UBASH3B: variants seen among roughly 807,000 people sequenced by gnomAD.
UBASH3B encodes ubiquitin-associated and SH3 domain-containing protein B.
Under a neutral mutation model 83.4 loss-of-function variants are expected in UBASH3B, and 37 were observed. That is an observed-to-expected ratio of 0.44 (90% CI 0.34 to 0.58). The LOEUF (loss-of-function observed/expected upper bound fraction) is 0.58, where lower values mean the gene tolerates loss of function less well. Among genes scored for constraint, UBASH3B ranks in the 20% least tolerant of loss-of-function variants. The pLI is 0.01. For missense variants in UBASH3B, 657 were observed against 827.2 expected, an observed-to-expected ratio of 0.79 and a Z score of 2.52; for synonymous variants, 304 against 318.3, an observed-to-expected ratio of 0.96 and a Z score of 0.48.
intron 1 of UBASH3B, among the ~76,000 whole-genome samples, chr11:122,722,997 G>A (rs1422550843): frequency 5.3e-5 from 8 of 152,224 alleles, no homozygotes; most frequent in African/African-American, 1.4e-4. Context: ...GAGCCACCGC[G>A]CCCGGCCCAG....
At chr11:122,775,556 G>A (rs1860716966) in intron 1 of UBASH3B, 1 of 152,160 alleles carries the variant, frequency 6.6e-6, no homozygotes, top group Non-Finnish European at 1.5e-5. Flanking sequence ...TTAGCCCTAT[G>A]TCTTAATAAT....
chr11:122,702,566 C>T (rs753821362), intron 1 of UBASH3B, among the ~76,000 whole-genome samples: 6 of 151,596 alleles, frequency 4.0e-5, no homozygotes, highest in Admixed American at 6.6e-5. Context: ...CTCTTGTCGC[C>T]GAGGCTGGAG....
At chr11:122,686,998 G>T (rs1863817844) in intron 1 of UBASH3B, among the ~76,000 whole-genome samples, 1 of 151,948 alleles carries the variant, frequency 6.6e-6, no homozygotes, top group Non-Finnish European at 1.5e-5. Flanking sequence ...CTCCTGAGTA[G>T]CTGGAATTAC....
rs888939496 is a variant in UBASH3B, at chr11:122,687,371, C to G, written c.161+31161C>G. Among the ~76,000 whole-genome samples the G allele has an allele frequency of 2.6e-5, 4 of 152,258 alleles. No homozygotes were observed. In the East Asian group the frequency reaches 7.7e-4, roughly 29 times the overall value. On this transcript the variant is annotated intron_variant, in intron 1 of 13. Coordinates refer to ENST00000284273, the MANE Select transcript of UBASH3B (RefSeq NM_032873.5). The stretch of plus-strand genomic sequence containing the variant: ...CCTGATTCTTATTTAGCAGTGATGA[C>G]TGATGAAATGACTTGCCCTTTGATT...
chr11:122,711,596 C>A (rs1409245366), intron 1 of UBASH3B, among the ~76,000 whole-genome samples: 4 of 152,184 alleles, frequency 2.6e-5, no homozygotes, highest in Admixed American at 1.3e-4. Flanking sequence ...CCTGAGCATG[C>A]CCCCGGGCAC....
At chr11:122,683,239 C>CA (rs59693425) in intron 1 of UBASH3B, among the ~76,000 whole-genome samples, 34,888 of 132,704 alleles carry the variant, frequency 0.26, 4,327 homozygotes, top group Non-Finnish European at 0.29. Context: ...GACCTTGTTT[C>CA]AAAAAAAAAA....
chr11:122,697,011 G>A (rs916624490), intron 1 of UBASH3B, among the ~76,000 whole-genome samples: 2 of 152,136 alleles, frequency 1.3e-5, no homozygotes, highest in Admixed American at 1.3e-4. Context: ...GGTCACTGGC[G>A]GTGTTTGTTC....
intron 6 of UBASH3B, among the ~76,000 whole-genome samples, chr11:122,792,460 A>G (rs977414193): frequency 3.3e-5 from 5 of 152,050 alleles, no homozygotes; most frequent in Admixed American, 3.3e-4. Flanking sequence ...CCAGGACTAC[A>G]GGTGTGTGCC....
intron 1 of UBASH3B, among the ~76,000 whole-genome samples, chr11:122,681,742 AC>A (rs1217240213): frequency 1.3e-5 from 2 of 151,984 alleles, no homozygotes; most frequent in Non-Finnish European, 2.9e-5. Flanking sequence ...CCACATGCTT[AC>A]CCCTCTGGCT....
intron 1 of UBASH3B, among the ~76,000 whole-genome samples, chr11:122,752,981 C>G (rs1861222875): frequency 6.6e-6 from 1 of 152,098 alleles, no homozygotes; most frequent in African/African-American, 2.4e-5. Flanking sequence ...GGAACCCGTG[C>G]TAGAACCTGG....
intron 10 of UBASH3B, among the ~76,000 whole-genome samples, 157 bp from the exon 11 acceptor site, chr11:122,801,031 T>C (rs1861250034): frequency 6.6e-6 from 1 of 152,146 alleles, no homozygotes; most frequent in African/African-American, 2.4e-5. Flanking sequence ...TGCACAAAAA[T>C]TAAAAACCTT....
chr11:122,791,022 T>C (rs1861044102), intron 6 of UBASH3B, among the ~76,000 whole-genome samples: 2 of 151,866 alleles, frequency 1.3e-5, no homozygotes, highest in South Asian at 4.2e-4. Flanking sequence ...CCAAACCCAC[T>C]CTTCCCTAAA....
intron 1 of UBASH3B, among the ~76,000 whole-genome samples, chr11:122,682,077 A>C (rs1387817400): frequency 6.6e-6 from 1 of 152,210 alleles, no homozygotes; most frequent in Non-Finnish European, 1.5e-5. Context: ...CTGCCCATGT[A>C]CAGCCACTTG....
intron 1 of UBASH3B, among the ~76,000 whole-genome samples, chr11:122,663,239 A>G (rs890799966): frequency 1.3e-5 from 2 of 152,214 alleles, no homozygotes; most frequent in Admixed American, 1.3e-4. Flanking sequence ...GGTCTCCCAA[A>G]GTGCTGGGAT....
rs76081238 is a variant in UBASH3B, at chr11:122,804,619, A to G, written c.1596-1791A>G. Among the ~76,000 whole-genome samples, 244 of 152,290 alleles carry G rather than the reference A, an allele frequency of 1.6e-3. 6 individuals carry two copies. In the East Asian group the frequency reaches 0.046, roughly 29 times the overall value. On this transcript the variant is annotated intron_variant, in intron 11 of 13. Transcript: ENST00000284273. ...ATCCATAAACAGCATTTATGAAAGCATTGCTGGGAGGATTAGACCGAAGAA... is the reference window on the plus strand; with the variant it reads ...ATCCATAAACAGCATTTATGAAAGCGTTGCTGGGAGGATTAGACCGAAGAA...
intron 1 of UBASH3B, among the ~76,000 whole-genome samples, chr11:122,678,288 G>A (rs763766781): frequency 1.3e-5 from 2 of 152,200 alleles, no homozygotes; most frequent in Non-Finnish European, 2.9e-5. Flanking sequence ...TTGAGGCCAG[G>A]TGGGACCCTA....
chr11:122,665,553 T>A (rs1017385295), intron 1 of UBASH3B, among the ~76,000 whole-genome samples: 2 of 152,232 alleles, frequency 1.3e-5, no homozygotes, highest in Admixed American at 1.3e-4. Flanking sequence ...TGTGCTTCTC[T>A]GTTCCAGAGC....
chr11:122,661,912 T>TTC lies in UBASH3B; in HGVS notation c.161+5703_161+5704insCT, dbSNP rs201347052. The stretch of plus-strand genomic sequence containing the variant: ...ACCTTGATATGCTTTTTTTCTTTTT[T>TTC]TTTTTTTTTTTGAGACAGAGTTTCG... On this transcript the variant is annotated intron_variant, in intron 1 of 13. Coordinates refer to ENST00000284273, the MANE Select transcript of UBASH3B (RefSeq NM_032873.5). Among the ~76,000 whole-genome samples the TTC allele has an allele frequency of 1.6e-4, 20 of 127,876 alleles. 1 individual carries two copies. Among genetic ancestry groups the TTC allele is most frequent in the East Asian group, 4.1e-4 (2 of 4,892 alleles). The allele number at this position is 127,876 out of a possible 152,430, so 83.9% of individuals were successfully genotyped here.
At chr11:122,676,892 G>A (rs929376018) in intron 1 of UBASH3B, among the ~76,000 whole-genome samples, 2 of 152,040 alleles carry the variant, frequency 1.3e-5, no homozygotes, top group Admixed American at 1.3e-4. Flanking sequence ...TATGAAAGCC[G>A]CCTTTATCAC....
Sources: allele counts gnomAD v4.1 joint callset (sites outside exome capture counted in the v4.1 genomes callset), GRCh38; gene constraint gnomAD v4.1.1; transcripts MANE v1.5; gene names NCBI Gene and HGNC (gene_info 2026-07-23, HGNC 2026-07-21).